NF2: variants seen among roughly 807,000 people sequenced by gnomAD.
The protein encoded by NF2 is merlin.
In NF2, 8 loss-of-function variants were observed where a neutral mutation model predicts 83.7. The ratio of observed to expected loss-of-function variants is 0.10; its 90% CI spans 0.06 to 0.17. The LOEUF is 0.17. Ranked by LOEUF, NF2 falls within the 10% of genes least tolerant of loss-of-function variation. The pLI is 1.00. For synonymous variants in NF2, 266 were observed against 269.6 expected, an observed-to-expected ratio of 0.99 and a Z score of 0.13; for missense variants, 533 against 744.4, an observed-to-expected ratio of 0.72 and a Z score of 3.31.
Position 29,615,211 on chromosome 22 carries a change from A to C in NF2, c.114+11099A>C, listed in dbSNP as rs575863872. Among the ~76,000 whole-genome samples, 162 of 152,258 alleles carry C rather than the reference A, an allele frequency of 1.1e-3. 1 individual carries two copies. Among genetic ancestry groups the C allele is most frequent in the African/African-American group, 3.8e-3 (156 of 41,560 alleles). On this transcript the variant is annotated intron_variant, in intron 1 of 15. Transcript: ENST00000338641. ...AAAAACAAAAACAAAAACAAAAAAC[A>C]AATGTGGAGAAATGTGAACCCTTTT...
At chr22:29,615,660 A>G (rs1314050511) in intron 1 of NF2, among the ~76,000 whole-genome samples, 1 of 152,148 alleles carries the variant, frequency 6.6e-6, no homozygotes, top group East Asian at 1.9e-4. Flanking sequence ...CCTTGAGCCC[A>G]GAATTTTGAG....
intron 15 of NF2, among the ~76,000 whole-genome samples, chr22:29,688,909 G>A (rs934667874): frequency 5.3e-5 from 8 of 152,126 alleles, no homozygotes; most frequent in Admixed American, 3.9e-4. Flanking sequence ...GGCCGGACGC[G>A]GTGGCTTATG....
At chr22:29,619,551 C>T (rs1335376674) in intron 1 of NF2, among the ~76,000 whole-genome samples, 3 of 151,632 alleles carry the variant, frequency 2.0e-5, no homozygotes, top group Non-Finnish European at 4.4e-5. Flanking sequence ...TGCCTGCCAT[C>T]ATGCCAGGCT....
intron 1 of NF2, among the ~76,000 whole-genome samples, chr22:29,628,200 A>G (rs1394558443): frequency 1.3e-5 from 2 of 148,324 alleles, no homozygotes; most frequent in Non-Finnish European, 3.0e-5. Flanking sequence ...CCTTGCCTTC[A>G]AGGAGTTTGT....
chr22:29,655,809 A>T (rs2066288988), intron 6 of NF2, 133 bp downstream of exon 6: 2 of 724,636 alleles, frequency 2.8e-6, no homozygotes, highest in African/African-American at 1.8e-5. Flanking sequence ...AAAAGGGGAG[A>T]GCTGGGGAGC....
At chr22:29,662,326 C>T (rs1478039462) in intron 8 of NF2, among the ~76,000 whole-genome samples, 2 of 152,058 alleles carry the variant, frequency 1.3e-5, no homozygotes, top group Non-Finnish European at 2.9e-5. Flanking sequence ...GGTTTTGCCA[C>T]ATTGCCCACC....
intron 1 of NF2, among the ~76,000 whole-genome samples, chr22:29,611,701 A>G (rs1448121847): frequency 6.6e-6 from 1 of 152,212 alleles, no homozygotes; most frequent in Non-Finnish European, 1.5e-5. Flanking sequence ...AAGTAAGATC[A>G]TCTCTGCAGA....
At chr22:29,648,452 C>T (rs1368164436) in intron 4 of NF2, among the ~76,000 whole-genome samples, 1 of 152,178 alleles carries the variant, frequency 6.6e-6, no homozygotes, top group East Asian at 1.9e-4. Context: ...TGTTGGTGCT[C>T]ATTTACCTGC....
At position 29,654,686 on chromosome 22, in the gene NF2, G is replaced by T; in HGVS notation, c.477G>T (p.Lys159Asn). ...GTGACTACGACCCCAGTGTTCACAA[G>T]CGGGGATTTTTGGCCCAAGAGGAAT... ...KYGDYDPSVH[K>N]RGFLAQEELL... The change falls in exon 5 of 16, where the codon AAG becomes AAT. Residue 159 changes from lysine to asparagine, a missense_variant. Lys to Asn is a moderately conservative substitution (Grantham distance 94). Around this residue, in one of 3 missense-constraint regions of NF2, gnomAD observed 326 missense variants for 475.1 expected, o/e 0.69. Transcript: ENST00000338641. The T allele has an allele frequency of 3.7e-6, 6 of 1,613,978 alleles. No individual in the cohort carries two copies. Among genetic ancestry groups the T allele is most frequent in the Non-Finnish European group, 5.1e-6 (6 of 1,179,882 alleles).
At chr22:29,629,530 A>G (rs2065454831) in intron 1 of NF2, among the ~76,000 whole-genome samples, 1 of 152,224 alleles carries the variant, frequency 6.6e-6, no homozygotes, top group Non-Finnish European at 1.5e-5. Flanking sequence ...TCAGTTATAG[A>G]TAAACATTGA....
intron 4 of NF2, 46 bp downstream of exon 4, chr22:29,642,331 G>C: frequency 6.7e-7 from 1 of 1,491,090 alleles, no homozygotes; most frequent in Non-Finnish European, 9.3e-7. Context: ...CGTTAATTTG[G>C]GTCATGGGAT....
intron 1 of NF2, among the ~76,000 whole-genome samples, chr22:29,604,481 A>G (rs2064732943): frequency 6.6e-6 from 1 of 152,214 alleles, no homozygotes; most frequent in Admixed American, 6.5e-5. Flanking sequence ...TGGAAAGCCA[A>G]TACTTGTTTC....
Position 29,695,469 on chromosome 22 carries a change from G to A in NF2, c.*667G>A. ...GCAGAAGCTGTGATGCAGGCTGACT[G>A]CCAGCCGAGGGGCTGGGTAGTGCCG... is the stretch of plus-strand genomic sequence containing the variant. On this transcript the variant is annotated 3_prime_UTR_variant, in exon 16 of 16. Coordinates refer to ENST00000338641, the MANE Select transcript of NF2 (RefSeq NM_000268.4). The surrounding 1 kb of genome is among the most constrained non-coding windows in gnomAD (Gnocchi z 5.4). 1 of 249,806 alleles carries A rather than the reference G, an allele frequency of 4.0e-6. No homozygotes were observed. The highest frequency in any genetic ancestry group is 7.9e-6 in the Non-Finnish European group (1 of 126,756). The allele number at this position is 249,806 out of a possible 1,614,324, so 15.5% of individuals were successfully genotyped here.
intron 8 of NF2, among the ~76,000 whole-genome samples, chr22:29,664,405 A>G (rs2066560237): frequency 7.1e-6 from 1 of 140,992 alleles, no homozygotes; most frequent in Non-Finnish European, 1.6e-5. Flanking sequence ...ACACACACAC[A>G]CAGCTCATTT....
intron 1 of NF2, among the ~76,000 whole-genome samples, 159 bp downstream of exon 1, chr22:29,604,271 A>G (rs1392694814): frequency 1.3e-5 from 2 of 152,136 alleles, no homozygotes; most frequent in Non-Finnish European, 1.5e-5. Flanking sequence ...GCTTTTTTTC[A>G]TAGGACTTTT....
Position 29,696,170 on chromosome 22 carries a change from T to G in NF2, c.*1368T>G, listed in dbSNP as rs754278601. 2.7e-5 allele frequency: 6 copies of G among 218,584 alleles called. No individual in the cohort carries two copies. Among genetic ancestry groups the G allele is most frequent in the Non-Finnish European group, 5.4e-5 (6 of 110,688 alleles). The allele number at this position is 218,584 out of a possible 1,614,324, so 13.5% of individuals were successfully genotyped here. On this transcript the variant is annotated 3_prime_UTR_variant, in exon 16 of 16. Transcript: ENST00000338641. The stretch of plus-strand genomic sequence containing the variant: ...CTCACTGCAACCTCCACCTCCTGAG[T>G]TCAAGCAATTCTCCTGCCTCAGCCT...
At chr22:29,661,851 A>G (rs1434931926) in intron 8 of NF2, among the ~76,000 whole-genome samples, 1 of 152,200 alleles carries the variant, frequency 6.6e-6, no homozygotes, top group Non-Finnish European at 1.5e-5. Context: ...TACATGTGGC[A>G]GAGAAATACA....
Position 29,642,206 on chromosome 22 carries a change from A to G in NF2, c.368A>G (p.Lys123Arg), listed in dbSNP as rs139779327. 6.2e-7 allele frequency: 1 copy of G among 1,613,760 alleles called. No individual in the cohort carries two copies. Among genetic ancestry groups the G allele is most frequent in the Non-Finnish European group, 8.5e-7 (1 of 1,179,766 alleles). ...ITQHLFFLQV[K>R]KQILDEKIYC... is the part of the protein sequence containing the mutation. ...CTCCCTTGTTGCTCCTTTCAGGTAA[A>G]GAAGCAGATTTTAGATGAAAAGATC... The change falls in exon 4 of 16, where the codon AAG becomes AGG. Residue 123 changes from lysine to arginine, a missense_variant. Lys to Arg is a conservative substitution (Grantham distance 26). Around this residue, in one of 3 missense-constraint regions of NF2, gnomAD observed 326 missense variants for 475.1 expected, o/e 0.69. Coordinates refer to ENST00000338641, the MANE Select transcript of NF2 (RefSeq NM_000268.4).
chr22:29,657,205 G>A (rs565790227), intron 6 of NF2, among the ~76,000 whole-genome samples: 4 of 152,070 alleles, frequency 2.6e-5, no homozygotes, highest in South Asian at 4.1e-4. Flanking sequence ...CCAGATTGGC[G>A]TTGCCCATCT....
Sources: allele counts gnomAD v4.1 joint callset (sites outside exome capture counted in the v4.1 genomes callset), GRCh38; gene constraint gnomAD v4.1.1; regional missense constraint gnomAD v4.1.1; non-coding constraint Gnocchi (gnomAD v3.1); transcripts MANE v1.5; gene names NCBI Gene and HGNC (gene_info 2026-07-23, HGNC 2026-07-21).